Variants in ROPN1L observed in about 807,000 individuals in gnomAD.
ROPN1L encodes rhophilin associated tail protein 1 like.
A neutral mutation model predicts 22.7 loss-of-function variants in ROPN1L; 23 were observed. The ratio of observed to expected loss-of-function variants is 1.01; its 90% CI spans 0.73 to 1.43. The LOEUF (loss-of-function observed/expected upper bound fraction) is 1.43, where lower values mean the gene tolerates loss of function less well. Among genes scored for constraint, ROPN1L ranks in the 40% most tolerant of loss-of-function variants. ROPN1L has a pLI of 0.00. For synonymous variants in ROPN1L, 116 were observed against 117.8 expected, an observed-to-expected ratio of 0.98 and a Z score of 0.10; for missense variants, 271 against 291.5, an observed-to-expected ratio of 0.93 and a Z score of 0.51.
At chr5:10,472,019 G>A (rs1186134120) in exon 5 of ROPN1L, 1 of 152,220 alleles carries the variant, frequency 6.6e-6, no homozygotes, top group Admixed American at 6.5e-5. Context: ...GGGTGAAGAT[G>A]CGGTGGGGGA....
chr5:10,475,583 TGAGAA>T (rs1256239648), downstream of ROPN1L, among the ~76,000 whole-genome samples: 3 of 151,386 alleles, frequency 2.0e-5, no homozygotes, highest in Non-Finnish European at 4.4e-5. Flanking sequence ...CTTCAACACT[TGAGAA>T]AAGAAGGGAG....
the ROPN1L span, among the ~76,000 whole-genome samples, chr5:10,481,148 A>G: frequency 6.6e-6 from 1 of 152,208 alleles, no homozygotes; most frequent in African/African-American, 2.4e-5. Context: ...GGCAGAGACA[A>G]AGGACTTTGC....
chr5:10,458,942 C>A (rs897939780), intron 3 of ROPN1L, among the ~76,000 whole-genome samples: 1 of 119,750 alleles, frequency 8.4e-6, no homozygotes, highest in Non-Finnish European at 1.8e-5. Flanking sequence ...TACACCATCC[C>A]GCCCGTGTAC....
At chr5:10,475,412 C>G (rs563066949), downstream of ROPN1L, among the ~76,000 whole-genome samples, 8 of 152,198 alleles carry the variant, frequency 5.3e-5, no homozygotes, top group African/African-American at 1.9e-4. Context: ...TTATATAAAA[C>G]TTTCCCTGTT....
intron 3 of ROPN1L, among the ~76,000 whole-genome samples, chr5:10,456,947 A>G (rs1298467309): frequency 1.3e-5 from 2 of 152,202 alleles, no homozygotes; most frequent in East Asian, 3.8e-4. Flanking sequence ...GAGGCCCCGC[A>G]GTCCTGCACA....
rs143273690 is a variant in ROPN1L at position 10,461,127 on chromosome 5, A to G, written c.418-57A>G. ...TTGATTCTGCTGATGCCTGCTTTCA[A>G]TGTGAGTGATGCCAGGAGTAACTGT... On this transcript the variant is annotated intron_variant, in intron 3 of 4. Transcript: ENST00000274134. 2.8e-4 allele frequency: 415 copies of G among 1,505,656 alleles called. 4 individuals are homozygous for G. The African/African-American group carries it at 5.1e-3, about 18-fold the overall frequency. The allele number at this position is 1,505,656 out of a possible 1,614,324, so 93.3% of individuals were successfully genotyped here. A position where few individuals can be genotyped will look rare whatever the true frequency, so the allele number is the denominator to read the frequency against.
the ROPN1L span, among the ~76,000 whole-genome samples, chr5:10,480,231 T>C: frequency 1.3e-5 from 2 of 152,202 alleles, no homozygotes; most frequent in African/African-American, 4.8e-5. Flanking sequence ...AGCTACGAAA[T>C]ACACAAATAT....
chr5:10,474,474 G>A (rs1735293099), downstream of ROPN1L, among the ~76,000 whole-genome samples: 1 of 152,216 alleles, frequency 6.6e-6, no homozygotes, highest in Admixed American at 6.5e-5. Context: ...ACATGAGGAT[G>A]GCCTCTAGGA....
rs550663360 is a variant in ROPN1L at position 10,457,277 on chromosome 5, G to A, written c.418-3907G>A. On this transcript the variant is annotated intron_variant, in intron 3 of 4. Transcript: ENST00000274134. Reference sequence around the variant, plus strand: ...GCCACCAGCACTGCTGGCATGGGAAGGGGGTGGAAATGGGAGGAACTGCCC... The same window carrying A: ...GCCACCAGCACTGCTGGCATGGGAAAGGGGTGGAAATGGGAGGAACTGCCC... 7.9e-5 allele frequency among the ~76,000 whole-genome samples: 12 copies of A among 152,364 alleles called. 1 individual carries two copies. In the East Asian group the frequency reaches 1.5e-3, roughly 20 times the overall value.
intron 1 of ROPN1L, among the ~76,000 whole-genome samples, chr5:10,446,515 G>C (rs184646086): frequency 6.6e-6 from 1 of 152,322 alleles, no homozygotes; most frequent in East Asian, 1.9e-4. Context: ...TAAAAAATCA[G>C]CTGGGCTTGG....
chr5:10,465,212 C>T (rs1356128186), downstream of ROPN1L, among the ~76,000 whole-genome samples: 1 of 152,184 alleles, frequency 6.6e-6, no homozygotes, highest in Non-Finnish European at 1.5e-5. Flanking sequence ...TGGGGCTGGG[C>T]AGTTTGAAAA....
chr5:10,462,421 C>A (rs561926169), intron 4 of ROPN1L, among the ~76,000 whole-genome samples: 1 of 152,344 alleles, frequency 6.6e-6, no homozygotes, highest in South Asian at 2.1e-4. Context: ...CGAAAGCAAG[C>A]AGCACCTCAG....
chr5:10,467,464 A>G (rs1735173856), downstream of ROPN1L, among the ~76,000 whole-genome samples: 1 of 152,158 alleles, frequency 6.6e-6, no homozygotes, highest in African/African-American at 2.4e-5. Flanking sequence ...CCTTTCTCCA[A>G]GGGTGATTTC....
downstream of ROPN1L, among the ~76,000 whole-genome samples, chr5:10,476,746 T>C (rs1207696263): frequency 2.0e-5 from 3 of 152,366 alleles, no homozygotes; most frequent in East Asian, 1.9e-4. Context: ...AACCCATCAA[T>C]TGTATTTTTA....
At chr5:10,478,316 T>C in the ROPN1L span, among the ~76,000 whole-genome samples, 1 of 152,230 alleles carries the variant, frequency 6.6e-6, no homozygotes, top group Non-Finnish European at 1.5e-5. Flanking sequence ...CCAGTACCCT[T>C]TCTGTATTAG....
At chr5:10,442,492 A>G (rs1271750250) in intron 1 of ROPN1L, among the ~76,000 whole-genome samples, 194 bp downstream of exon 1, 5 of 152,256 alleles carry the variant, frequency 3.3e-5, no homozygotes, top group African/African-American at 1.2e-4. Flanking sequence ...TTTATCGACT[A>G]TGAGACCCGA....
chr5:10,451,279 G>T (rs551876321), intron 3 of ROPN1L, among the ~76,000 whole-genome samples: 5 of 152,236 alleles, frequency 3.3e-5, no homozygotes, highest in Admixed American at 6.5e-5. Context: ...GTAAACACCC[G>T]CAAGGCTACC....
intron 1 of ROPN1L, among the ~76,000 whole-genome samples, chr5:10,442,996 CT>C (rs2126422071): frequency 6.6e-6 from 1 of 152,292 alleles, no homozygotes; most frequent in East Asian, 1.9e-4. Flanking sequence ...AAAACAAAAA[CT>C]CACTTTTATG....
chr5:10,450,885 A>G (rs1264228758), intron 3 of ROPN1L, among the ~76,000 whole-genome samples: 1 of 152,188 alleles, frequency 6.6e-6, no homozygotes, highest in African/African-American at 2.4e-5. Context: ...TAGGAATAAG[A>G]CATGATCCTC....
Sources: gnomAD v4.1 joint callset for allele counts (sites outside exome capture counted in the v4.1 genomes callset) on GRCh38, gnomAD v4.1.1 for gene constraint, MANE v1.5 for transcripts, NCBI Gene and HGNC (gene_info 2026-07-23, HGNC 2026-07-21) for gene names.